Variants in IREB2 observed in about 807,000 individuals in gnomAD.
IREB2 encodes the protein iron-responsive element-binding protein 2.
In IREB2, 39 loss-of-function variants were observed where a neutral mutation model predicts 118.8. That is an observed-to-expected ratio of 0.33 (90% confidence interval 0.25 to 0.43). The LOEUF is 0.43. Ranked by LOEUF, IREB2 falls within the 20% of genes least tolerant of loss-of-function variation. The pLI is 1.00. For missense variants in IREB2, 900 were observed against 1,147.3 expected, an observed-to-expected ratio of 0.78 and a Z score of 3.11; for synonymous variants, 372 against 392.2, an observed-to-expected ratio of 0.95 and a Z score of 0.61.
chr15:78,497,047 T>C (rs1354189569), intron 20 of IREB2, 79 bp from the exon 21 acceptor site: 3 of 1,026,666 alleles, frequency 2.9e-6, no homozygotes, highest in African/African-American at 3.2e-5. Flanking sequence ...AAGGCCAAAG[T>C]AGATTTTTGC....
chr15:78,458,871 C>T (rs2051149730), intron 2 of IREB2, among the ~76,000 whole-genome samples: 2 of 152,258 alleles, frequency 1.3e-5, no homozygotes, highest in South Asian at 4.2e-4. Context: ...AGTGCAGTGG[C>T]AAGATCAGCC....
rs2051942783 is a variant in IREB2, at chr15:78,501,340, A to G, written c.*3197A>G. The G allele has an allele frequency of 1.3e-5, 2 of 152,764 alleles. No individual in the cohort carries two copies. The highest frequency in any genetic ancestry group is 1.9e-4 in the East Asian group (1 of 5,190). The allele number at this position is 152,764 out of a possible 1,614,324, so 9.5% of individuals were successfully genotyped here. On this transcript the variant is annotated 3_prime_UTR_variant, in exon 22 of 22. Transcript: ENST00000258886. ...AAACAGTGTAACAGTTTTAAGTTCAATAATGTTAAGTATTGTATAGAAATA... is the reference window on the plus strand; with the variant it reads ...AAACAGTGTAACAGTTTTAAGTTCAGTAATGTTAAGTATTGTATAGAAATA...
At chr15:78,482,107 G>A (rs953032737) in intron 10 of IREB2, among the ~76,000 whole-genome samples, 11 of 152,098 alleles carry the variant, frequency 7.2e-5, no homozygotes, top group African/African-American at 2.7e-4. Flanking sequence ...GCGCATGCCT[G>A]TAGTCCCAGC....
At chr15:78,445,607 G>A (rs2050916415) in intron 2 of IREB2, among the ~76,000 whole-genome samples, 1 of 152,168 alleles carries the variant, frequency 6.6e-6, no homozygotes, top group Admixed American at 6.5e-5. Context: ...AAGGCTGCCT[G>A]GTTTCCTTAT....
chr15:78,438,989 A>G (rs1409248065), intron 1 of IREB2: 1 of 151,694 alleles, frequency 6.6e-6, no homozygotes, highest in Non-Finnish European at 1.5e-5. Flanking sequence ...CTCCTTTTGG[A>G]TGAAAGCCTT....
At chr15:78,479,226 C>T (rs2051525331) in intron 10 of IREB2, among the ~76,000 whole-genome samples, 1 of 152,022 alleles carries the variant, frequency 6.6e-6, no homozygotes, top group African/African-American at 2.4e-5. Flanking sequence ...TCCCAGAGTG[C>T]TGGGATTACA....
intron 2 of IREB2, among the ~76,000 whole-genome samples, chr15:78,450,223 A>G (rs1472842030): frequency 1.3e-5 from 2 of 152,260 alleles, no homozygotes; most frequent in Non-Finnish European, 2.9e-5. Flanking sequence ...GAAGTACAGT[A>G]CTATGTTGTA....
rs906447121 is a variant in IREB2, at chr15:78,500,802, T to C, written c.*2659T>C. 5 of 152,228 alleles carry C rather than the reference T, an allele frequency of 3.3e-5. No homozygotes were observed. Among genetic ancestry groups the C allele is most frequent in the African/African-American group, 1.2e-4 (5 of 41,464 alleles). The allele number at this position is 152,228 out of a possible 1,614,324, so 9.4% of individuals were successfully genotyped here. A position where few individuals can be genotyped will look rare whatever the true frequency, so the allele number is the denominator to read the frequency against. ...GTTTCTAAGATGACAGTTATCACTA[T>C]TTTGTTTTATCTCCATGCTGACATT... On this transcript the variant is annotated 3_prime_UTR_variant, in exon 22 of 22. Coordinates refer to ENST00000258886, the MANE Select transcript of IREB2 (RefSeq NM_004136.4).
In IREB2 at chr15:78,471,869, A is replaced by G. The variant is rs1402443345; in HGVS notation, c.828A>G (p.Val276=). The G allele has an allele frequency of 1.2e-6, 2 of 1,613,314 alleles. No individual in the cohort carries two copies. Among genetic ancestry groups the G allele is most frequent in the African/African-American group, 1.3e-5 (1 of 75,038 alleles). The change falls in exon 7 of 22, where the codon GTA becomes GTG. Residue 276 remains valine, a synonymous_variant. Coordinates refer to ENST00000258886, the MANE Select transcript of IREB2 (RefSeq NM_004136.4). ...AAGACCTCCTCTTCCCAGACAGTGTAGTCGGCACAGATTCACACATAACGA... is the reference window on the plus strand; with the variant it reads ...AAGACCTCCTCTTCCCAGACAGTGTGGTCGGCACAGATTCACACATAACGA... ...EEKDLLFPDS[V]VGTDSHITMV...
At chr15:78,450,737 C>T (rs1239433406) in intron 2 of IREB2, among the ~76,000 whole-genome samples, 1 of 151,982 alleles carries the variant, frequency 6.6e-6, no homozygotes, top group Non-Finnish European at 1.5e-5. Context: ...AGTCCAGGTA[C>T]TGGCACAGGC....
chr15:78,458,247 A>G (rs1440032140), intron 2 of IREB2, among the ~76,000 whole-genome samples: 1 of 152,186 alleles, frequency 6.6e-6, no homozygotes, highest in African/African-American at 2.4e-5. Flanking sequence ...AAAGTAGGGA[A>G]ATACACAACA....
At chr15:78,489,701 T>A (rs2051717909) in intron 16 of IREB2, among the ~76,000 whole-genome samples, 1 of 151,820 alleles carries the variant, frequency 6.6e-6, no homozygotes, top group African/African-American at 2.4e-5. Context: ...TTTTGTAAAA[T>A]AAAAAATAAA....
intron 2 of IREB2, among the ~76,000 whole-genome samples, chr15:78,442,577 AAC>A (rs1941978891): frequency 6.6e-6 from 1 of 152,228 alleles, no homozygotes; most frequent in Non-Finnish European, 1.5e-5. Flanking sequence ...ATAGTTGAGA[AAC>A]ACTGTTCTAA....
chr15:78,439,198 G>C (rs956183486), intron 1 of IREB2, among the ~76,000 whole-genome samples: 5 of 152,144 alleles, frequency 3.3e-5, no homozygotes, highest in Non-Finnish European at 7.3e-5. Context: ...TGTCTCTTTC[G>C]GGTAGAATAT....
At chr15:78,496,794 TC>T (rs1352561051) in intron 20 of IREB2, among the ~76,000 whole-genome samples, 1 of 152,126 alleles carries the variant, frequency 6.6e-6, no homozygotes, top group Non-Finnish European at 1.5e-5. Context: ...ATATGTTAGA[TC>T]TGGCATGTTT....
At chr15:78,454,461 G>T (rs1368918705) in intron 2 of IREB2, among the ~76,000 whole-genome samples, 1 of 152,172 alleles carries the variant, frequency 6.6e-6, no homozygotes, top group East Asian at 1.9e-4. Flanking sequence ...CATATGAAAT[G>T]CCCAGGAAAG....
intron 2 of IREB2, among the ~76,000 whole-genome samples, chr15:78,455,569 G>GA (rs199544266): frequency 0.034 from 3,300 of 98,404 alleles, 125 homozygotes; most frequent in East Asian, 0.13. Context: ...CATCTCTATT[G>GA]AAAAAAAAAA....
intron 13 of IREB2, 79 bp downstream of exon 13, chr15:78,485,919 A>G: frequency 1.7e-6 from 2 of 1,206,740 alleles, no homozygotes; most frequent in South Asian, 2.9e-5. Context: ...CCTTTCATAT[A>G]CAAAGAGAAG....
chr15:78,443,807 C>T (rs1050812770), intron 2 of IREB2, among the ~76,000 whole-genome samples: 4 of 151,872 alleles, frequency 2.6e-5, no homozygotes, highest in African/African-American at 2.4e-5. Flanking sequence ...CCACCACATC[C>T]GGCTGATTTT....
Sources: gnomAD v4.1 joint callset for allele counts (sites outside exome capture counted in the v4.1 genomes callset) on GRCh38, gnomAD v4.1.1 for gene constraint, MANE v1.5 for transcripts, NCBI Gene and HGNC (gene_info 2026-07-23, HGNC 2026-07-21) for gene names.